Variants in ZC2HC1B observed in about 807,000 individuals in gnomAD.
ZC2HC1B encodes the protein zinc finger C2HC-type containing 1B, also known as zinc finger C2HC domain-containing protein 1B.
ZC2HC1B carries 36 observed loss-of-function variants against 31.0 expected under a neutral mutation model. That is an observed-to-expected ratio of 1.16 (90% CI 0.89 to 1.54). The LOEUF (loss-of-function observed/expected upper bound fraction) is 1.54, where lower values mean the gene tolerates loss of function less well. ZC2HC1B is among the 40% of genes most tolerant of loss of function. The probability of loss-of-function intolerance (pLI) is 0.00; values close to 1 mark genes in which losing one functional copy is unlikely to be tolerated. For synonymous variants in ZC2HC1B, 73 were observed against 88.0 expected (o/e 0.83, Z 0.95); for missense variants, 260 against 268.6 (o/e 0.97, Z 0.22).
Position 143,893,950 on chromosome 6 carries a change from T to C in ZC2HC1B, c.350-4602T>C, listed in dbSNP as rs566550146. ...ATCCACCCACCTCAGCCTCCCAAAGTGTTGGGATTACAGGTGTGAGCCACC... is the reference window on the plus strand; with the variant it reads ...ATCCACCCACCTCAGCCTCCCAAAGCGTTGGGATTACAGGTGTGAGCCACC... On this transcript the variant is annotated intron_variant, in intron 4 of 7. Transcript: ENST00000237275. Among the ~76,000 whole-genome samples the C allele has an allele frequency of 3.2e-3, 490 of 152,272 alleles. 1 individual carries two copies. Among genetic ancestry groups the C allele is most frequent in the Middle Eastern group, 0.01 (3 of 294 alleles).
chr6:143,879,138 G>T (rs78283117), intron 1 of ZC2HC1B, among the ~76,000 whole-genome samples: 1 of 152,160 alleles, frequency 6.6e-6, no homozygotes, highest in African/African-American at 2.4e-5. Flanking sequence ...AGAGGTACAT[G>T]CTGTCCAGGA....
intron 1 of ZC2HC1B, among the ~76,000 whole-genome samples, chr6:143,875,271 G>A (rs1329765825): frequency 6.6e-6 from 1 of 152,100 alleles, no homozygotes; most frequent in Admixed American, 6.5e-5. Flanking sequence ...ACAAGGCCTT[G>A]GTCAAGGGTA....
intron 1 of ZC2HC1B, among the ~76,000 whole-genome samples, chr6:143,874,926 A>G (rs1287601993): frequency 6.6e-6 from 1 of 152,136 alleles, no homozygotes; most frequent in African/African-American, 2.4e-5. Flanking sequence ...ACCACCTCCC[A>G]GGTTCAAAGG....
intron 5 of ZC2HC1B, among the ~76,000 whole-genome samples, chr6:143,901,250 CTTTTTTTTTTTTT>C (rs760366226): frequency 1.1e-5 from 1 of 90,498 alleles, no homozygotes; most frequent in African/African-American, 5.3e-5. Flanking sequence ...TTCTTTCTTC[CTTTTTTTTTTTTT>C]TTTTTTTTTT....
rs774864074 is a variant in ZC2HC1B, at chr6:143,934,938, C to T, written c.599-2711C>T. On this transcript the variant is annotated intron_variant, in intron 6 of 7. Transcript: ENST00000237275. The surrounding 1 kb of genome is among the most constrained non-coding windows in gnomAD (Gnocchi z 4.6). Reference sequence around the variant, plus strand: ...TCTTTGGACCTCCAGATGGCTTGCTCAGGTGCCAGCAGTGGCGATGGTGGG... The same window carrying T: ...TCTTTGGACCTCCAGATGGCTTGCTTAGGTGCCAGCAGTGGCGATGGTGGG... Among the ~76,000 whole-genome samples the T allele has an allele frequency of 4.6e-5, 7 of 152,154 alleles. No individual in the cohort carries two copies. The highest frequency in any genetic ancestry group is 1.0e-4 in the Non-Finnish European group (7 of 68,016).
Position 143,887,301 on chromosome 6 carries a change from C to A in ZC2HC1B, c.349+480C>A, listed in dbSNP as rs1777541345. ...ACAGAAAAGAGGAAGGAATAGTACACATGCCCTCCACTGAAATTTGGCAAT... is the reference window on the plus strand; with the variant it reads ...ACAGAAAAGAGGAAGGAATAGTACAAATGCCCTCCACTGAAATTTGGCAAT... On this transcript the variant is annotated intron_variant, in intron 4 of 7. Transcript: ENST00000237275. This position sits in a 1 kb window ranked among gnomAD's most constrained non-coding sequence, Gnocchi z 5.1. Among the ~76,000 whole-genome samples, 1 of 152,208 alleles carries A rather than the reference C, an allele frequency of 6.6e-6. No homozygotes were observed. Among genetic ancestry groups the A allele is most frequent in the African/African-American group, 2.4e-5 (1 of 41,450 alleles).
chr6:143,929,818 G>A (rs894754900), intron 6 of ZC2HC1B, among the ~76,000 whole-genome samples: 2 of 152,078 alleles, frequency 1.3e-5, no homozygotes, highest in Non-Finnish European at 2.9e-5. Flanking sequence ...TCAATCTTGG[G>A]AGGTTGTATA....
rs191371315 is a variant in ZC2HC1B, at chr6:143,911,730, C to A, written c.598+8578C>A. On this transcript the variant is annotated intron_variant, in intron 6 of 7. Coordinates refer to ENST00000237275, the MANE Select transcript of ZC2HC1B (RefSeq NM_001013623.3). The surrounding 1 kb of genome is among the most constrained non-coding windows in gnomAD (Gnocchi z 4.5). ...TTCTTTCATTTCAATCTTGAAGAAT[C>A]TGATTATTATGTGTCTTGGGGATGA... Among the ~76,000 whole-genome samples, 1 of 152,164 alleles carries A rather than the reference C, an allele frequency of 6.6e-6. No homozygotes were observed. Among genetic ancestry groups the A allele is most frequent in the Admixed American group, 6.5e-5 (1 of 15,276 alleles).
rs1234743196 is a variant in ZC2HC1B, at chr6:143,918,105, G to T, written c.598+14953G>T. 6.6e-6 allele frequency among the ~76,000 whole-genome samples: 1 copy of T among 152,162 alleles called. No individual in the cohort carries two copies. The highest frequency in any genetic ancestry group is 1.5e-5 in the Non-Finnish European group (1 of 68,030). On this transcript the variant is annotated intron_variant, in intron 6 of 7. Coordinates refer to ENST00000237275, the MANE Select transcript of ZC2HC1B (RefSeq NM_001013623.3). The surrounding 1 kb of genome is among the most constrained non-coding windows in gnomAD (Gnocchi z 4.1). Reference sequence around the variant, plus strand: ...GACTCCCTTGAGTATTTCTTGCAGGGCAGGTCTCATGATAATGAACTTCCT... The same window carrying T: ...GACTCCCTTGAGTATTTCTTGCAGGTCAGGTCTCATGATAATGAACTTCCT...
chr6:143,870,693 T>C lies in ZC2HC1B; in HGVS notation c.28+6126T>C, dbSNP rs1329003384. On this transcript the variant is annotated intron_variant, in intron 1 of 7. Transcript: ENST00000237275. This position sits in a 1 kb window ranked among gnomAD's most constrained non-coding sequence, Gnocchi z 4.7. ...AAGCCCAGTAACAGGCCAAGAGCTGTCTCTCAAAAGAAGAGTAATTATCTG... is the reference window on the plus strand; with the variant it reads ...AAGCCCAGTAACAGGCCAAGAGCTGCCTCTCAAAAGAAGAGTAATTATCTG... Among the ~76,000 whole-genome samples, 1 of 152,140 alleles carries C rather than the reference T, an allele frequency of 6.6e-6. No individual in the cohort carries two copies. The highest frequency in any genetic ancestry group is 1.5e-5 in the Non-Finnish European group (1 of 68,024).
chr6:143,871,950 G>A lies in ZC2HC1B; in HGVS notation c.28+7383G>A, dbSNP rs887711319. ...CTGAGCTGAAACTCCATTATTACCT[G>A]ACCTCCATAAGCCCGTACGTTAACT... On this transcript the variant is annotated intron_variant, in intron 1 of 7. Coordinates refer to ENST00000237275, the MANE Select transcript of ZC2HC1B (RefSeq NM_001013623.3). This position sits in a 1 kb window ranked among gnomAD's most constrained non-coding sequence, Gnocchi z 4.1. Among the ~76,000 whole-genome samples the A allele has an allele frequency of 1.3e-5, 2 of 152,104 alleles. No individual in the cohort carries two copies. Among genetic ancestry groups the A allele is most frequent in the African/African-American group, 4.8e-5 (2 of 41,400 alleles).
chr6:143,936,063 T>G (rs1778174745), intron 6 of ZC2HC1B, among the ~76,000 whole-genome samples: 2 of 152,184 alleles, frequency 1.3e-5, no homozygotes, highest in African/African-American at 4.8e-5. Flanking sequence ...TCAACTCTCT[T>G]GAGTAAAATA....
intron 6 of ZC2HC1B, among the ~76,000 whole-genome samples, chr6:143,906,774 A>G (rs1284281630): frequency 6.6e-6 from 1 of 150,656 alleles, no homozygotes; most frequent in African/African-American, 2.4e-5. Context: ...TAGTCTATCA[A>G]GCTAATGGTT....
chr6:143,937,633 G>A lies in ZC2HC1B; in HGVS notation c.599-16G>A, dbSNP rs756415780. The stretch of plus-strand genomic sequence containing the variant: ...TCTGCTTTGACATAATAACAAATCT[G>A]TTTATGTTTGCAAAGGATTAGCTAT... On this transcript the variant is annotated splice_polypyrimidine_tract_variant and intron_variant, in intron 6 of 7. Coordinates refer to ENST00000237275, the MANE Select transcript of ZC2HC1B (RefSeq NM_001013623.3). 5.2e-6 allele frequency: 8 copies of A among 1,538,994 alleles called. No individual in the cohort carries two copies. The African/African-American group carries it at 9.7e-5, about 19-fold the overall frequency.
intron 4 of ZC2HC1B, among the ~76,000 whole-genome samples, chr6:143,894,789 C>G (rs907166975): frequency 7.2e-5 from 11 of 152,080 alleles, no homozygotes; most frequent in Non-Finnish European, 1.3e-4. Flanking sequence ...TGATGGCTAC[C>G]TTATGGTTCT....
In ZC2HC1B at chr6:143,913,420, C is replaced by T. The variant is rs539413420; in HGVS notation, c.598+10268C>T. Among the ~76,000 whole-genome samples the T allele has an allele frequency of 3.9e-4, 60 of 152,358 alleles. No individual in the cohort carries two copies. The highest frequency in any genetic ancestry group is 3.5e-3 in the Admixed American group (54 of 15,306). ...GGCTCCATCCTGTCTCAGGCAGGCT[C>T]CGCCCTGTTGCTGATGGCTTACTGG... is the stretch of plus-strand genomic sequence containing the variant. On this transcript the variant is annotated intron_variant, in intron 6 of 7. Transcript: ENST00000237275. The surrounding 1 kb of genome is among the most constrained non-coding windows in gnomAD (Gnocchi z 5.7).
chr6:143,885,893 C>T lies in ZC2HC1B; in HGVS notation c.91-139C>T, dbSNP rs41285035. On this transcript the variant is annotated intron_variant, in intron 2 of 7. Coordinates refer to ENST00000237275, the MANE Select transcript of ZC2HC1B (RefSeq NM_001013623.3). This position sits in a 1 kb window ranked among gnomAD's most constrained non-coding sequence, Gnocchi z 4.2. Reference sequence around the variant, plus strand: ...ATGAGAAGAGCCAGATGGATTTGCTCTGCTGTGACCTGTTAGAGAATGAAC... The same window carrying T: ...ATGAGAAGAGCCAGATGGATTTGCTTTGCTGTGACCTGTTAGAGAATGAAC... 1.5e-3 allele frequency: 1,406 copies of T among 917,440 alleles called. 3 individuals carry two copies. The highest frequency in any genetic ancestry group is 1.4e-3 in the Non-Finnish European group (980 of 676,656). The allele number at this position is 917,440 out of a possible 1,614,324, so 56.8% of individuals were successfully genotyped here. A position where few individuals can be genotyped will look rare whatever the true frequency, so the allele number is the denominator to read the frequency against.
chr6:143,882,021 T>A (rs1039231032), intron 1 of ZC2HC1B, among the ~76,000 whole-genome samples: 3 of 152,140 alleles, frequency 2.0e-5, no homozygotes, highest in African/African-American at 7.2e-5. Context: ...ACAGTCTTAA[T>A]ACTTGGAAAG....
rs187702754 is a variant in ZC2HC1B, at chr6:143,879,506, C to T, written c.29-4798C>T. Among the ~76,000 whole-genome samples the T allele has an allele frequency of 2.9e-3, 438 of 152,256 alleles. 4 individuals carry two copies. Among genetic ancestry groups the T allele is most frequent in the African/African-American group, 0.01 (429 of 41,538 alleles). ...TTGAGGCCGTTATTCCACCCCCTTG[C>T]CATAGGGCCTAGGAAGATGTTGATA... On this transcript the variant is annotated intron_variant, in intron 1 of 7. Coordinates refer to ENST00000237275, the MANE Select transcript of ZC2HC1B (RefSeq NM_001013623.3).
Sources: gnomAD v4.1 joint callset for allele counts (sites outside exome capture counted in the v4.1 genomes callset) on GRCh38, gnomAD v4.1.1 for gene constraint, Gnocchi (gnomAD v3.1) non-coding constraint, MANE v1.5 for transcripts, NCBI Gene and HGNC (gene_info 2026-07-23, HGNC 2026-07-21) for gene names.